NTN1: variants seen among roughly 807,000 people sequenced by gnomAD.
NTN1 encodes the protein netrin 1.
A neutral mutation model predicts 54.2 loss-of-function variants in NTN1; 11 were observed. The observed-to-expected ratio is 0.20, with a 90% CI of 0.13 to 0.34. NTN1 has a LOEUF of 0.34. Ranked by LOEUF, NTN1 falls within the 10% of genes least tolerant of loss-of-function variation. The pLI is 1.00. For synonymous variants in NTN1, 371 were observed against 382.0 expected, an observed-to-expected ratio of 0.97 and a Z score of 0.33; for missense variants, 740 against 893.1, an observed-to-expected ratio of 0.83 and a Z score of 2.18.
chr17:9,044,954 C>A (rs2091936920), intron 2 of NTN1, among the ~76,000 whole-genome samples: 1 of 152,138 alleles, frequency 6.6e-6, no homozygotes, highest in South Asian at 2.1e-4. Context: ...TGTACAGATA[C>A]AGGAAAAAAA....
At chr17:9,072,814 G>A (rs902198501) in intron 2 of NTN1, among the ~76,000 whole-genome samples, 15 of 152,214 alleles carry the variant, frequency 9.9e-5, no homozygotes, top group African/African-American at 3.6e-4. Flanking sequence ...ACCTTGGCAC[G>A]GAGGCCCCGT....
intron 2 of NTN1, among the ~76,000 whole-genome samples, chr17:9,040,591 G>T (rs941041906): frequency 2.0e-5 from 3 of 151,714 alleles, no homozygotes; most frequent in South Asian, 2.1e-4. Flanking sequence ...TATTTTTCTT[G>T]TCTTACTGCA....
chr17:9,052,613 G>A (rs2091964784), intron 2 of NTN1, among the ~76,000 whole-genome samples: 1 of 152,172 alleles, frequency 6.6e-6, no homozygotes, highest in Admixed American at 6.6e-5. Context: ...AAGGCTGCAG[G>A]TAAAAATATA....
chr17:9,089,887 CT>C (rs903423416), intron 2 of NTN1, among the ~76,000 whole-genome samples: 17 of 150,406 alleles, frequency 1.1e-4, no homozygotes, highest in East Asian at 5.8e-4. Context: ...GCCAAACAAA[CT>C]TTTTTTTTTA....
intron 2 of NTN1, among the ~76,000 whole-genome samples, chr17:9,139,995 C>T (rs1053249886): frequency 6.6e-6 from 1 of 152,092 alleles, no homozygotes; most frequent in Non-Finnish European, 1.5e-5. Context: ...TCAATCAACC[C>T]TTACTCTGTG....
chr17:9,183,631 T>C, intron 5 of NTN1: 1 of 229,744 alleles, frequency 4.4e-6, no homozygotes. Context: ...TGCTAGATCC[T>C]GATTTATAAT....
At chr17:9,012,934 T>A in the NTN1 span, among the ~76,000 whole-genome samples, 1 of 152,192 alleles carries the variant, frequency 6.6e-6, no homozygotes, top group African/African-American at 2.4e-5. Flanking sequence ...TAGTAGCACA[T>A]TGGGCTTAAT....
chr17:9,185,127 G>A (rs748688610), intron 5 of NTN1, among the ~76,000 whole-genome samples: 21 of 152,184 alleles, frequency 1.4e-4, no homozygotes, highest in Non-Finnish European at 2.8e-4. Context: ...CCAGACCTGC[G>A]CTGCCCTACT....
chr17:9,037,780 C>T lies in NTN1; in HGVS notation c.1018+14389C>T, dbSNP rs1281369853. 3.3e-5 allele frequency among the ~76,000 whole-genome samples: 5 copies of T among 152,328 alleles called. No individual in the cohort carries two copies. The East Asian group carries it at 7.7e-4, about 23-fold the overall frequency. ...CCAGGTTTTTCTGCTACTGCGATTA[C>T]AGCTGCAGTTTCCTAGCTGGTCTCC... On this transcript the variant is annotated intron_variant, in intron 2 of 6. Transcript: ENST00000173229.
chr17:9,178,453 C>T (rs538882650), intron 3 of NTN1, among the ~76,000 whole-genome samples: 1 of 152,348 alleles, frequency 6.6e-6, no homozygotes, highest in South Asian at 2.1e-4. Context: ...CCACCTTCCT[C>T]CCTCCCTCCT....
the NTN1 span, among the ~76,000 whole-genome samples, chr17:9,006,900 C>T: frequency 0.022 from 3,361 of 152,316 alleles, 122 homozygotes; most frequent in African/African-American, 0.076. Flanking sequence ...GTTATCCTCT[C>T]CTTCCCTGTC....
chr17:9,051,139 TTCTCACAGGC>T (rs1302807151), intron 2 of NTN1, among the ~76,000 whole-genome samples: 2 of 152,106 alleles, frequency 1.3e-5, no homozygotes, highest in East Asian at 3.8e-4. Context: ...CCTGGGAGCT[TTCTCACAGGC>T]TCTCCTTGGC....
upstream of NTN1, among the ~76,000 whole-genome samples, chr17:9,018,188 G>A (rs1376625556): frequency 2.0e-5 from 3 of 152,060 alleles, no homozygotes; most frequent in Admixed American, 1.3e-4. Context: ...GATGATAAGC[G>A]TAGACCTAAG....
chr17:9,058,063 A>G (rs1012149608), intron 2 of NTN1, among the ~76,000 whole-genome samples: 2 of 152,000 alleles, frequency 1.3e-5, no homozygotes, highest in African/African-American at 4.8e-5. Context: ...AATTTTTTGT[A>G]TTTTTAGTAG....
chr17:9,011,740 C>A, the NTN1 span, among the ~76,000 whole-genome samples: 1 of 152,128 alleles, frequency 6.6e-6, no homozygotes, highest in Non-Finnish European at 1.5e-5. Flanking sequence ...CAGGTGCGCA[C>A]CACCATGCCC....
At chr17:9,032,374 T>A (rs2091890748) in intron 2 of NTN1, among the ~76,000 whole-genome samples, 1 of 152,180 alleles carries the variant, frequency 6.6e-6, no homozygotes, top group Non-Finnish European at 1.5e-5. Flanking sequence ...AGAACTGCCT[T>A]GGATTTTGAA....
At chr17:9,006,875 G>T in the NTN1 span, among the ~76,000 whole-genome samples, 7 of 152,250 alleles carry the variant, frequency 4.6e-5, no homozygotes, top group Admixed American at 1.3e-4. Flanking sequence ...CCACTCTTGG[G>T]GCCTATAGTT....
At chr17:9,136,283 G>A (rs1448402339) in intron 2 of NTN1, among the ~76,000 whole-genome samples, 1 of 152,228 alleles carries the variant, frequency 6.6e-6, no homozygotes, top group Non-Finnish European at 1.5e-5. Flanking sequence ...TAAGAAAAGA[G>A]TATAGTGTGG....
At chr17:9,044,958 A>T (rs1381953497) in intron 2 of NTN1, among the ~76,000 whole-genome samples, 1 of 152,154 alleles carries the variant, frequency 6.6e-6, no homozygotes, top group Non-Finnish European at 1.5e-5. Flanking sequence ...CAGATACAGG[A>T]AAAAAATGCA....
Sources: gnomAD v4.1 joint callset for allele counts (sites outside exome capture counted in the v4.1 genomes callset) on GRCh38, gnomAD v4.1.1 for gene constraint, MANE v1.5 for transcripts, NCBI Gene and HGNC (gene_info 2026-07-23, HGNC 2026-07-21) for gene names.